The following LIFR variants were observed in gnomAD, a reference collection of about 807,000 sequenced individuals.
LIFR encodes the protein LIF receptor subunit alpha, also known as leukemia inhibitory factor receptor.
A neutral mutation model predicts 122.2 loss-of-function variants in LIFR; 84 were observed. That is an observed-to-expected ratio of 0.69 (90% confidence interval 0.58 to 0.82). LIFR has a LOEUF of 0.82. Ranked by LOEUF, LIFR falls within the 40% of genes least tolerant of loss-of-function variation. The pLI, the probability that LIFR is intolerant of heterozygous loss-of-function variation, is 0.00. For missense variants in LIFR, 1,294 were observed against 1,311.6 expected, an observed-to-expected ratio of 0.99 and a Z score of 0.21; for synonymous variants, 422 against 434.7, an observed-to-expected ratio of 0.97 and a Z score of 0.36.
At position 38,484,830 on chromosome 5, in the gene LIFR, C is replaced by T; in HGVS notation, c.2536G>A (p.Val846Met). 1.9e-6 allele frequency: 3 copies of T among 1,613,770 alleles called. No individual in the cohort carries two copies. Among genetic ancestry groups the T allele is most frequent in the East Asian group, 2.2e-5 (1 of 44,852 alleles). Residue 846 changes from valine to methionine, a missense_variant, in exon 18 of 20, where the codon GTG becomes ATG. Physicochemically the swap from Val to Met is conservative, Grantham distance 21 (BLOSUM62 1). Transcript: ENST00000453190. ...LIIAILIPVA[V>M]AVIVGVVTSI... ...GTCACCACTCCAACAATGACAGCCACTGCCACTGGGATGAGAATGGCAATA... is the reference window on the plus strand; with the variant it reads ...GTCACCACTCCAACAATGACAGCCATTGCCACTGGGATGAGAATGGCAATA...
intron 1 of LIFR, among the ~76,000 whole-genome samples, chr5:38,588,241 T>A (rs1200585446): frequency 1.3e-5 from 2 of 152,160 alleles, no homozygotes; most frequent in Admixed American, 6.5e-5. Flanking sequence ...GGTGGAAAGT[T>A]CTAGGTTGAG....
rs183218480 is a variant in LIFR, at chr5:38,601,511, C to G, written n.305+4694G>C. Among the ~76,000 whole-genome samples, 514 of 152,172 alleles carry G rather than the reference C, an allele frequency of 3.4e-3. 3 individuals are homozygous for G. Among genetic ancestry groups the G allele is most frequent in the African/African-American group, 0.012 (491 of 41,508 alleles). On this transcript the variant is annotated intron_variant and non_coding_transcript_variant, in intron 2 of 3. Coordinates refer to the LIFR transcript ENST00000507786. ...TCAGTTCAGGATTTCTCTCCTGGAC[C>G]CTGAGTTCCCGCCATGGCATAGCTC...
chr5:38,491,572 T>C (rs1032792727), intron 14 of LIFR, among the ~76,000 whole-genome samples: 1 of 152,242 alleles, frequency 6.6e-6, no homozygotes, highest in Non-Finnish European at 1.5e-5. Flanking sequence ...GCATTGCATT[T>C]AATTTGCAGA....
At chr5:38,590,100 C>G (rs1749875704) in intron 1 of LIFR, among the ~76,000 whole-genome samples, 1 of 152,172 alleles carries the variant, frequency 6.6e-6, no homozygotes, top group Admixed American at 6.5e-5. Context: ...AGCCTCAAGT[C>G]TTTTCTATTA....
Position 38,481,850 on chromosome 5 carries a change from C to G in LIFR, c.3039G>C (p.Val1013=), listed in dbSNP as rs754819659. The change falls in exon 20 of 20, where the codon GTG becomes GTC. Residue 1013 remains valine (V), a synonymous_variant. Coordinates refer to ENST00000453190, the MANE Select transcript of LIFR (RefSeq NM_001127671.2). ...PQMHLPINST[V]EDIAAEEDLD... is the part of the protein sequence containing the mutation. ...AGTCCTCTTCTGCAGCTATATCTTC[C>G]ACAGTAGAATTAATGGGGAGGTGCA... The G allele has an allele frequency of 1.3e-4, 209 of 1,613,998 alleles. 1 individual carries two copies. In the Admixed American group the frequency reaches 3.4e-3, roughly 26 times the overall value.
At chr5:38,538,641 A>C (rs1747417853) in intron 1 of LIFR, among the ~76,000 whole-genome samples, 1 of 151,932 alleles carries the variant, frequency 6.6e-6, no homozygotes, top group African/African-American at 2.4e-5. Context: ...TTTACCTAAA[A>C]CATGCCTTGA....
chr5:38,590,810 G>C (rs921978340), intron 1 of LIFR, among the ~76,000 whole-genome samples: 2 of 152,160 alleles, frequency 1.3e-5, no homozygotes, highest in Non-Finnish European at 2.9e-5. Flanking sequence ...ACTTGTCCAA[G>C]CACACAGCAT....
At chr5:38,577,338 T>C (rs1749420311) in intron 1 of LIFR, among the ~76,000 whole-genome samples, 1 of 152,232 alleles carries the variant, frequency 6.6e-6, no homozygotes. Flanking sequence ...CCTCTCGCTC[T>C]GCCTACCCAC....
chr5:38,520,696 C>T (rs1396576321), intron 5 of LIFR, among the ~76,000 whole-genome samples: 1 of 152,130 alleles, frequency 6.6e-6, no homozygotes, highest in Non-Finnish European at 1.5e-5. Context: ...GATATCCTTT[C>T]CCCAACTATG....
intron 1 of LIFR, among the ~76,000 whole-genome samples, chr5:38,551,956 A>G (rs1219318203): frequency 6.6e-6 from 1 of 152,234 alleles, no homozygotes; most frequent in Non-Finnish European, 1.5e-5. Context: ...AATTGGTAAA[A>G]GTACTTTAAC....
intron 1 of LIFR, among the ~76,000 whole-genome samples, chr5:38,587,872 A>T (rs1246912934): frequency 6.6e-6 from 1 of 152,200 alleles, no homozygotes; most frequent in African/African-American, 2.4e-5. Context: ...TCAAAAGCAC[A>T]TGTATCTAGT....
chr5:38,595,883 G>A (rs576545453), upstream of LIFR, among the ~76,000 whole-genome samples: 30 of 151,358 alleles, frequency 2.0e-4, no homozygotes, highest in South Asian at 4.4e-3. Context: ...CAAGGCGCCC[G>A]CCACCGCGCC....
At chr5:38,501,086 G>A (rs1456745324) in intron 11 of LIFR, among the ~76,000 whole-genome samples, 1 of 152,126 alleles carries the variant, frequency 6.6e-6, no homozygotes, top group Non-Finnish European at 1.5e-5. Flanking sequence ...GCAGCCTCAT[G>A]AAAGACTCCA....
At chr5:38,529,059 TA>T (rs372233556) in intron 2 of LIFR, among the ~76,000 whole-genome samples, 3 of 149,144 alleles carry the variant, frequency 2.0e-5, no homozygotes, top group African/African-American at 7.4e-5. Context: ...CAGCTTTGGT[TA>T]AAAAAAAACA....
At chr5:38,561,223 A>C (rs1331659843), upstream of LIFR, among the ~76,000 whole-genome samples, 3 of 152,178 alleles carry the variant, frequency 2.0e-5, no homozygotes, top group African/African-American at 4.8e-5. Flanking sequence ...GACACTACAC[A>C]ACAATTTTGG....
chr5:38,592,636 G>A (rs1333203253), intron 1 of LIFR, among the ~76,000 whole-genome samples: 5 of 139,776 alleles, frequency 3.6e-5, no homozygotes, highest in South Asian at 2.3e-4. Flanking sequence ...CAGCCTGGGC[G>A]ACAGAGCGAG....
At chr5:38,565,431 G>A (rs1014394794) in intron 1 of LIFR, among the ~76,000 whole-genome samples, 1 of 152,142 alleles carries the variant, frequency 6.6e-6, no homozygotes, top group Admixed American at 6.5e-5. Flanking sequence ...TAAAGTCCCG[G>A]ATGGTGACAT....
At chr5:38,596,118 C>T (rs1451115790), upstream of LIFR, among the ~76,000 whole-genome samples, 4 of 152,150 alleles carry the variant, frequency 2.6e-5, no homozygotes, top group Admixed American at 2.0e-4. Context: ...TTCTTAGCCA[C>T]GGAGGGAGCC....
chr5:38,553,304 C>G (rs1487466446), intron 1 of LIFR, among the ~76,000 whole-genome samples: 1 of 152,056 alleles, frequency 6.6e-6, no homozygotes, highest in African/African-American at 2.4e-5. Flanking sequence ...TGATGTAAAA[C>G]AGCAGCCCAC....
Sources: gnomAD v4.1 joint callset for allele counts (sites outside exome capture counted in the v4.1 genomes callset) on GRCh38, gnomAD v4.1.1 for gene constraint, MANE v1.5 for transcripts, NCBI Gene and HGNC (gene_info 2026-07-23, HGNC 2026-07-21) for gene names.